The following BRPF1 variants were observed in gnomAD, a reference collection of about 807,000 sequenced individuals.
The protein encoded by BRPF1 is bromodomain and PHD finger containing 1.
BRPF1 carries 15 observed loss-of-function variants against 115.0 expected under a neutral mutation model. The observed-to-expected ratio is 0.13, with a 90% confidence interval of 0.09 to 0.20. The LOEUF (loss-of-function observed/expected upper bound fraction) is 0.20, where lower values mean the gene tolerates loss of function less well. BRPF1 is among the 10% of genes least tolerant of loss of function. The pLI, the probability that BRPF1 is intolerant of heterozygous loss-of-function variation, is 1.00. For missense variants in BRPF1, 1,118 were observed against 1,638.3 expected (o/e 0.68, Z 5.48); for synonymous variants, 647 against 619.8 (o/e 1.04, Z -0.65).
rs1330873013 is a variant in BRPF1, at chr3:9,734,632, C to G, written c.492C>G (p.His164Gln). Residue 164 changes from histidine (H) to glutamine (Q), a missense_variant, in exon 2 of 14, where the codon CAC becomes CAG. Around this residue, in one of 10 missense-constraint regions of BRPF1, gnomAD observed 280 missense variants for 382.8 expected, o/e 0.73. Transcript: ENST00000383829. The surrounding 1 kb of genome is among the most constrained non-coding windows in gnomAD (Gnocchi z 5.7). ...KEKRKDSNHH[H>Q]HHNVSASTTP... The stretch of plus-strand genomic sequence containing the variant: ...AGCGCAAGGACTCCAACCATCACCA[C>G]CACCACAATGTTTCTGCGAGCACCA... 1 of 1,614,040 alleles carries G rather than the reference C, an allele frequency of 6.2e-7. No homozygotes were observed. Among genetic ancestry groups the G allele is most frequent in the African/African-American group, 1.3e-5 (1 of 74,902 alleles).
chr3:9,734,276 G>A lies in BRPF1; in HGVS notation c.136G>A (p.Asp46Asn), dbSNP rs2076902588. The A allele has an allele frequency of 6.2e-7, 1 of 1,613,902 alleles. No individual in the cohort carries two copies. Among genetic ancestry groups the A allele is most frequent in the South Asian group, 1.1e-5 (1 of 91,060 alleles). The change falls in exon 2 of 14, where the codon GAC becomes AAC. Residue 46 changes from aspartate (D) to asparagine (N), a missense_variant. Asp to Asn is a conservative substitution (Grantham distance 23, BLOSUM62 1). This residue lies in a region of BRPF1 where 280 missense variants were observed against 382.8 expected (regional missense o/e 0.73). Coordinates refer to ENST00000383829, the MANE Select transcript of BRPF1 (RefSeq NM_001003694.2). This position sits in a 1 kb window ranked among gnomAD's most constrained non-coding sequence, Gnocchi z 5.7. ...SGIEYHLYHY[D>N]HDNPPPPQQT... is the part of the protein sequence containing the mutation. ...TATTGAGTACCACCTGTACCACTATGACCACGACAACCCACCACCCCCACA... is the reference window on the plus strand; with the variant it reads ...TATTGAGTACCACCTGTACCACTATAACCACGACAACCCACCACCCCCACA...
chr3:9,743,509 C>A lies in BRPF1; in HGVS notation c.2312-69C>A, dbSNP rs2077066671. 2 of 1,515,042 alleles carry A rather than the reference C, an allele frequency of 1.3e-6. No homozygotes were observed. Among genetic ancestry groups the A allele is most frequent in the Non-Finnish European group, 1.8e-6 (2 of 1,118,614 alleles). 93.8% of individuals were successfully genotyped at this position (1,515,042 alleles called of 1,614,324 possible). A position where few individuals can be genotyped will look rare whatever the true frequency, so the allele number is the denominator to read the frequency against. On this transcript the variant is annotated intron_variant, in intron 7 of 13. Coordinates refer to ENST00000383829, the MANE Select transcript of BRPF1 (RefSeq NM_001003694.2). This position sits in a 1 kb window ranked among gnomAD's most constrained non-coding sequence, Gnocchi z 6.1. The stretch of plus-strand genomic sequence containing the variant: ...GGGGGGATGAGTGGGTTTCTTGCTG[C>A]CTGCCCAGGTTCAAGGGGCCCTGAG...
At position 9,746,387 on chromosome 3, in the gene BRPF1, G is replaced by A. The variant is rs746342857; in HGVS notation, c.3412G>A (p.Glu1138Lys). Reference sequence around the variant, plus strand: ...CCCACTGGAGGTGCTGAAACTTGGGGAGCAGATGACCCAGGAAGCCCGAGA... The same window carrying A: ...CCCACTGGAGGTGCTGAAACTTGGGAAGCAGATGACCCAGGAAGCCCGAGA... ...VPPLEVLKLG[E>K]QMTQEAREHL... Residue 1138 changes from glutamate to lysine, a missense_variant, in exon 13 of 14, where the codon GAG becomes AAG. Coordinates refer to ENST00000383829, the MANE Select transcript of BRPF1 (RefSeq NM_001003694.2). 1 of 1,609,476 alleles carries A rather than the reference G, an allele frequency of 6.2e-7. No homozygotes were observed. Among genetic ancestry groups the A allele is most frequent in the Non-Finnish European group, 8.5e-7 (1 of 1,176,710 alleles).
At position 9,747,853 on chromosome 3, in the gene BRPF1, G is replaced by A. The variant is rs1257690757; in HGVS notation, c.*504G>A. The A allele has an allele frequency of 1.3e-5, 2 of 150,362 alleles. No individual in the cohort carries two copies. The highest frequency in any genetic ancestry group is 4.9e-5 in the African/African-American group (2 of 40,552). 9.3% of individuals were successfully genotyped at this position (150,362 alleles called of 1,614,324 possible). On this transcript the variant is annotated 3_prime_UTR_variant, in exon 14 of 14. Coordinates refer to ENST00000383829, the MANE Select transcript of BRPF1 (RefSeq NM_001003694.2). This position sits in a 1 kb window ranked among gnomAD's most constrained non-coding sequence, Gnocchi z 5.6. ...TCATTTGTAACTGCGTTTCCGGGTC[G>A]CGCCAGAGTCATTTGGTACTAAAAA...
In BRPF1 at chr3:9,739,193, A is replaced by G. The variant is rs751170119; in HGVS notation, c.794A>G (p.Asp265Gly). 1.2e-6 allele frequency: 2 copies of G among 1,613,676 alleles called. No individual in the cohort carries two copies. The highest frequency in any genetic ancestry group is 3.3e-5 in the Admixed American group (2 of 59,956). Residue 265 changes from aspartate (D) to glycine (G), a missense_variant, in exon 3 of 14, where the codon GAC (aspartate) becomes GGC (glycine). Asp to Gly is a moderately conservative substitution (Grantham distance 94, BLOSUM62 -1). Coordinates refer to ENST00000383829, the MANE Select transcript of BRPF1 (RefSeq NM_001003694.2). ...ESYFESHNKG[D>G]PNALVDEDAV... ...TACTTTGAGAGTCATAATAAAGGCG[A>G]CCCTAATGCGCTAGTGGACGAGGAT...
At position 9,731,953 on chromosome 3, in the gene BRPF1, G is replaced by GT. The variant is rs2076858837; in HGVS notation, c.-195dup. On this transcript the variant is annotated 5_prime_UTR_variant, in exon 1 of 14. Transcript: ENST00000383829. ...GCCGGCGGGACCAGGAGCGGCAGGG[G>GT]TCAGCTCAGGAATCCCGGGGAGCCG... 1 of 152,560 alleles carries GT rather than the reference G, an allele frequency of 6.6e-6. No individual in the cohort carries two copies. Among genetic ancestry groups the GT allele is most frequent in the African/African-American group, 2.4e-5 (1 of 41,594 alleles). The allele number at this position is 152,560 out of a possible 1,614,324, so 9.5% of individuals were successfully genotyped here.
In BRPF1 at chr3:9,739,203, G is replaced by T; in HGVS notation, c.804G>T (p.Ala268=). ...FESHNKGDPN[A]LVDEDAVCCI... is the part of the protein sequence containing the mutation. ...GTCATAATAAAGGCGACCCTAATGC[G>T]CTAGTGGACGAGGATGCTGTTTGCT... Residue 268 remains alanine, a synonymous_variant, in exon 3 of 14, where the codon GCG becomes GCT. Coordinates refer to ENST00000383829, the MANE Select transcript of BRPF1 (RefSeq NM_001003694.2). The T allele has an allele frequency of 6.2e-7, 1 of 1,613,650 alleles. No homozygotes were observed. Among genetic ancestry groups the T allele is most frequent in the Admixed American group, 1.7e-5 (1 of 59,962 alleles).
In BRPF1 at chr3:9,745,903, C is replaced by T. The variant is rs2077117797; in HGVS notation, c.3297C>T (p.Cys1099=). 1.3e-5 allele frequency: 21 copies of T among 1,613,906 alleles called. No homozygotes were observed. The highest frequency in any genetic ancestry group is 1.8e-5 in the Non-Finnish European group (21 of 1,179,912). Residue 1099 remains cysteine (C), a synonymous_variant, in exon 12 of 14, where the codon TGC becomes TGT. Transcript: ENST00000383829. The surrounding 1 kb of genome is among the most constrained non-coding windows in gnomAD (Gnocchi z 5.1). Reference sequence around the variant, plus strand: ...CTCTGGACCTCGTGTGGGCCAAATGCCGAGGCTATCCATCATACCCAGCTC... The same window carrying T: ...CTCTGGACCTCGTGTGGGCCAAATGTCGAGGCTATCCATCATACCCAGCTC... ...LDALDLVWAK[C]RGYPSYPALI...
chr3:9,743,345 A>G lies in BRPF1; in HGVS notation c.2311+92A>G. On this transcript the variant is annotated intron_variant, in intron 7 of 13. Coordinates refer to ENST00000383829, the MANE Select transcript of BRPF1 (RefSeq NM_001003694.2). The surrounding 1 kb of genome is among the most constrained non-coding windows in gnomAD (Gnocchi z 6.1). ...CCTCCTGGGAGCAGGCAGTGTAGGCAGAAAGCAGCTAGGCTGAGCAGTGGC... is the reference window on the plus strand; with the variant it reads ...CCTCCTGGGAGCAGGCAGTGTAGGCGGAAAGCAGCTAGGCTGAGCAGTGGC... 1 of 1,486,002 alleles carries G rather than the reference A, an allele frequency of 6.7e-7. No homozygotes were observed. The highest frequency in any genetic ancestry group is 9.0e-7 in the Non-Finnish European group (1 of 1,106,498). The allele number at this position is 1,486,002 out of a possible 1,614,324, so 92.1% of individuals were successfully genotyped here. A position where few individuals can be genotyped will look rare whatever the true frequency, so the allele number is the denominator to read the frequency against.
At position 9,747,069 on chromosome 3, in the gene BRPF1, A is replaced by G. The variant is rs2077140098; in HGVS notation, c.3480-97A>G. The G allele has an allele frequency of 7.4e-7, 1 of 1,359,152 alleles. No homozygotes were observed. Among genetic ancestry groups the G allele is most frequent in the African/African-American group, 1.4e-5 (1 of 69,982 alleles). 84.2% of individuals were successfully genotyped at this position (1,359,152 alleles called of 1,614,324 possible). A position where few individuals can be genotyped will look rare whatever the true frequency, so the allele number is the denominator to read the frequency against. The stretch of plus-strand genomic sequence containing the variant: ...AGGGACCATCACAGAGTCTGGCCAG[A>G]GTGGGTGCTTGGGTGGTGTGTTTGA... On this transcript the variant is annotated intron_variant, in intron 13 of 13. Transcript: ENST00000383829. This position sits in a 1 kb window ranked among gnomAD's most constrained non-coding sequence, Gnocchi z 5.6.
intron 2 of BRPF1, among the ~76,000 whole-genome samples, chr3:9,738,269 C>G (rs554284401): frequency 1.3e-5 from 2 of 152,326 alleles, no homozygotes; most frequent in Non-Finnish European, 2.9e-5. Flanking sequence ...TTTTGATTAA[C>G]TTCTCAAAGC....
intron 2 of BRPF1, among the ~76,000 whole-genome samples, chr3:9,735,098 C>T (rs2076918568): frequency 6.6e-6 from 1 of 150,752 alleles, no homozygotes; most frequent in African/African-American, 2.5e-5. Context: ...CCCCAACTTC[C>T]TCCTTCCGTG....
At position 9,742,842 on chromosome 3, in the gene BRPF1, GAGGAGGT is replaced by G. The variant is rs555277793; in HGVS notation, c.2002-101_2002-95del. The G allele has an allele frequency of 4.1e-4, 523 of 1,265,168 alleles. 3 individuals carry two copies. In the African/African-American group the frequency reaches 7.3e-3, roughly 18 times the overall value. 78.4% of individuals were successfully genotyped at this position (1,265,168 alleles called of 1,614,324 possible). A position where few individuals can be genotyped will look rare whatever the true frequency, so the allele number is the denominator to read the frequency against. On this transcript the variant is annotated intron_variant, in intron 6 of 13. Transcript: ENST00000383829. ...ATATGCCTGCCTCTAACTGTGGTGG[GAGGAGGT>G]TGCTGGATGTGTTTCAGGGGGGCTT...
In BRPF1 at chr3:9,747,274, C is replaced by T. The variant is rs758685052; in HGVS notation, c.3588C>T (p.Ile1196=). The T allele has an allele frequency of 8.1e-6, 13 of 1,614,094 alleles. No homozygotes were observed. Among genetic ancestry groups the T allele is most frequent in the African/African-American group, 5.3e-5 (4 of 74,928 alleles). ...CCAACATCCGCAAGTCAGTACAGAT[C>T]GCCTACCACAGGGCTCTGCAGCACC... ...RKSNIRKSVQ[I]AYHRALQHRS... Residue 1196 remains isoleucine (I), a synonymous_variant, in exon 14 of 14, where the codon ATC becomes ATT. Transcript: ENST00000383829. This position sits in a 1 kb window ranked among gnomAD's most constrained non-coding sequence, Gnocchi z 5.6.
rs1180886094 is a variant in BRPF1, at chr3:9,747,091, TTGAG to T, written c.3480-71_3480-68del. 6.5e-7 allele frequency: 1 copy of T among 1,537,588 alleles called. No homozygotes were observed. Among genetic ancestry groups the T allele is most frequent in the Admixed American group, 1.7e-5 (1 of 58,690 alleles). ...CAGAGTGGGTGCTTGGGTGGTGTGT[TTGAG>T]TGAATAGAGGAGGAAGGCTGGTCCT... is the stretch of plus-strand genomic sequence containing the variant. On this transcript the variant is annotated intron_variant, in intron 13 of 13. Coordinates refer to ENST00000383829, the MANE Select transcript of BRPF1 (RefSeq NM_001003694.2). The surrounding 1 kb of genome is among the most constrained non-coding windows in gnomAD (Gnocchi z 5.6).
intron 3 of BRPF1, 113 bp from the exon 4 acceptor site, chr3:9,740,666 A>G: frequency 7.4e-7 from 1 of 1,354,358 alleles, no homozygotes; most frequent in Non-Finnish European, 1.0e-6. Context: ...CCTTTTGGAC[A>G]AGAGATCCTC....
At chr3:9,735,910 A>G (rs915294175) in intron 2 of BRPF1, among the ~76,000 whole-genome samples, 1 of 152,084 alleles carries the variant, frequency 6.6e-6, no homozygotes, top group African/African-American at 2.4e-5. Context: ...TCAGCTACTT[A>G]GAAGGCCTGG....
intron 6 of BRPF1, 31 bp from the exon 7 acceptor site, chr3:9,742,913 C>T: frequency 6.3e-7 from 1 of 1,598,474 alleles, no homozygotes; most frequent in Non-Finnish European, 8.5e-7. Flanking sequence ...AGGATATCTC[C>T]ACTTAAAACA....
intron 12 of BRPF1, 73 bp from the exon 13 acceptor site, chr3:9,746,223 ACTCT>A: frequency 2.7e-6 from 4 of 1,465,912 alleles, no homozygotes; most frequent in East Asian, 2.3e-5. Flanking sequence ...CTTCAGACAT[ACTCT>A]CTAAGTTCTT....
Sources: allele counts gnomAD v4.1 joint callset (sites outside exome capture counted in the v4.1 genomes callset), GRCh38; gene constraint gnomAD v4.1.1; regional missense constraint gnomAD v4.1.1; non-coding constraint Gnocchi (gnomAD v3.1); transcripts MANE v1.5; gene names NCBI Gene and HGNC (gene_info 2026-07-23, HGNC 2026-07-21).